The following COG7 variants were observed in gnomAD, a reference collection of about 807,000 sequenced individuals.
COG7 encodes conserved oligomeric Golgi complex subunit 7.
In COG7, 49 loss-of-function variants were observed where a neutral mutation model predicts 91.5. The observed-to-expected ratio is 0.54, with a 90% CI of 0.43 to 0.68. COG7 has a LOEUF of 0.68. COG7 is among the 30% of genes least tolerant of loss of function. The pLI is 0.00. For missense variants in COG7, 895 were observed against 961.3 expected, an observed-to-expected ratio of 0.93 and a Z score of 0.91; for synonymous variants, 365 against 388.7, an observed-to-expected ratio of 0.94 and a Z score of 0.72.
chr16:23,437,551 A>G (rs765840198), intron 4 of COG7, among the ~76,000 whole-genome samples: 22 of 152,224 alleles, frequency 1.4e-4, no homozygotes, highest in Non-Finnish European at 2.2e-4. Flanking sequence ...ACAGGGCTGG[A>G]GATGAGTACT....
chr16:23,420,769 G>A (rs969253275), intron 7 of COG7, among the ~76,000 whole-genome samples: 1 of 151,968 alleles, frequency 6.6e-6, no homozygotes, highest in Non-Finnish European at 1.5e-5. Flanking sequence ...TTCGAGACAG[G>A]ATCTCACTCA....
In COG7 at chr16:23,428,781, TC is replaced by T. The variant is rs1963889154; in HGVS notation, c.811-3835del. ...ATCTTGGCTCACTGCAACCTCCACC[TC>T]CCAGGTTCAAGCGATTCTCCTGCCT... On this transcript the variant is annotated intron_variant, in intron 6 of 16. Coordinates refer to ENST00000307149, the MANE Select transcript of COG7 (RefSeq NM_153603.4). 2.7e-5 allele frequency among the ~76,000 whole-genome samples: 4 copies of T among 148,722 alleles called. No homozygotes were observed. In the South Asian group the frequency reaches 8.9e-4, roughly 33 times the overall value.
chr16:23,390,030 C>G (rs1017778064), intron 16 of COG7: 1 of 152,168 alleles, frequency 6.6e-6, no homozygotes, highest in Non-Finnish European at 1.5e-5. Context: ...CATGAGAGCA[C>G]CTGATGTGTC....
intron 9 of COG7, chr16:23,416,660 CTT>C (rs1346253208): frequency 2.5e-6 from 1 of 404,322 alleles, no homozygotes; most frequent in Non-Finnish European, 4.6e-6. Flanking sequence ...TTCAAATAAA[CTT>C]TGTTAAATTT....
intron 12 of COG7, among the ~76,000 whole-genome samples, chr16:23,405,500 C>G (rs962118903): frequency 1.3e-5 from 2 of 151,872 alleles, no homozygotes; most frequent in African/African-American, 4.8e-5. Flanking sequence ...AGATCTAAAC[C>G]CACATTCTCT....
intron 6 of COG7, among the ~76,000 whole-genome samples, chr16:23,431,853 A>G (rs1963940230): frequency 6.7e-6 from 1 of 149,496 alleles, no homozygotes. Flanking sequence ...TAAGAAAAAT[A>G]AAATAAAGTC....
chr16:23,444,952 G>A, intron 3 of COG7, 96 bp downstream of exon 3: 1 of 908,142 alleles, frequency 1.1e-6, no homozygotes, highest in Non-Finnish European at 1.9e-6. Flanking sequence ...TCTGAATGCT[G>A]CTATTGGCTA....
Position 23,417,109 on chromosome 16 carries a change from C to A in COG7, c.1150G>T (p.Val384Leu), listed in dbSNP as rs966821454. The part of the protein sequence containing the change: ...MSAVPLEHGE[V>L]IDCVQELSHS... The stretch of plus-strand genomic sequence containing the variant: ...CTCAGCTCCTGCACACAGTCAATCA[C>A]TTCCCCATGCTCCTGGTCAGCAAAT... Residue 384 changes from valine (V) to leucine (L), a missense_variant, in exon 9 of 17, where the codon GTG (valine) becomes TTG (leucine). Physicochemically the swap from Val to Leu is conservative, Grantham distance 32. Coordinates refer to ENST00000307149, the MANE Select transcript of COG7 (RefSeq NM_153603.4). 1.9e-6 allele frequency: 3 copies of A among 1,614,276 alleles called. No individual in the cohort carries two copies. Among genetic ancestry groups the A allele is most frequent in the Non-Finnish European group, 2.5e-6 (3 of 1,180,050 alleles).
chr16:23,441,841 C>T (rs1964106467), intron 4 of COG7: 1 of 152,786 alleles, frequency 6.5e-6, no homozygotes, highest in Admixed American at 6.5e-5. Flanking sequence ...AATGCATTCG[C>T]ACTAGAAGAC....
intron 5 of COG7, 72 bp from the exon 6 acceptor site, chr16:23,433,739 T>A (rs1963970341): frequency 9.5e-6 from 15 of 1,584,786 alleles, no homozygotes. Flanking sequence ...TGCCCTGCCC[T>A]GCTACCCAGC....
chr16:23,418,452 T>C (rs1283627090), intron 8 of COG7, among the ~76,000 whole-genome samples: 2 of 151,980 alleles, frequency 1.3e-5, no homozygotes, highest in Non-Finnish European at 2.9e-5. Flanking sequence ...CTGCAGTGAG[T>C]TGTAATCAAT....
chr16:23,413,481 TG>T lies in COG7; in HGVS notation c.1375del (p.Gln459ArgfsTer13). 1 of 1,610,418 alleles carries T rather than the reference TG, an allele frequency of 6.2e-7. No homozygotes were observed. The highest frequency in any genetic ancestry group is 8.5e-7 in the Non-Finnish European group (1 of 1,176,592). On this transcript the variant is annotated frameshift_variant, in exon 10 of 17. Transcript: ENST00000307149. LOFTEE classifies it high-confidence loss of function. ...LDHIPPNSLF[Q>X]EDWTAFQNSI... ...GTTCTGAAAAGCCGTCCAATCTTCC[TG>T]GAAGAGGGAGTTGGGAGGAATGTGG...
At chr16:23,451,101 G>C (rs568712490) in intron 1 of COG7, among the ~76,000 whole-genome samples, 42 of 152,320 alleles carry the variant, frequency 2.8e-4, no homozygotes, top group Admixed American at 2.0e-3. Context: ...GTAGAGGCAG[G>C]AGAATAACTT....
intron 14 of COG7, among the ~76,000 whole-genome samples, chr16:23,394,637 G>GT (rs1453196027): frequency 1.3e-5 from 2 of 151,858 alleles, no homozygotes; most frequent in African/African-American, 2.4e-5. Flanking sequence ...ACATGTCTAC[G>GT]TAACAGCGGG....
chr16:23,416,926 C>T, intron 9 of COG7, 41 bp downstream of exon 9: 2 of 1,613,364 alleles, frequency 1.2e-6, no homozygotes, highest in Non-Finnish European at 1.7e-6. Flanking sequence ...ACAGACACTG[C>T]TCCAATGTGG....
chr16:23,393,211 G>A lies in COG7; in HGVS notation c.2002+22C>T, dbSNP rs181406575. On this transcript the variant is annotated intron_variant, in intron 15 of 16. Transcript: ENST00000307149. Reference sequence around the variant, plus strand: ...AACTGACAGCTTGACTTGTAACATCGCCAGAAACGGTCCCCGCTTACCCTG... The same window carrying A: ...AACTGACAGCTTGACTTGTAACATCACCAGAAACGGTCCCCGCTTACCCTG... 5.3e-5 allele frequency: 82 copies of A among 1,560,286 alleles called. 2 individuals are homozygous for A. In the Admixed American group the frequency reaches 1.0e-3, roughly 19 times the overall value.
intron 7 of COG7, among the ~76,000 whole-genome samples, chr16:23,423,419 C>A (rs1192585060): frequency 1.3e-5 from 2 of 152,348 alleles, no homozygotes; most frequent in Non-Finnish European, 2.9e-5. Flanking sequence ...CTCTTCCCCA[C>A]TACATCCATC....
At chr16:23,421,536 T>G (rs1362583279) in intron 7 of COG7, among the ~76,000 whole-genome samples, 2 of 151,440 alleles carry the variant, frequency 1.3e-5, no homozygotes, top group Non-Finnish European at 2.9e-5. Context: ...AATAAGCAAT[T>G]CAAAAGAGAA....
At chr16:23,390,531 G>A (rs1963177517) in intron 16 of COG7, among the ~76,000 whole-genome samples, 1 of 151,448 alleles carries the variant, frequency 6.6e-6, no homozygotes, top group Admixed American at 6.6e-5. Flanking sequence ...TTCTGATCTT[G>A]GGTTCATCTC....
Sources: gnomAD v4.1 joint callset for allele counts (sites outside exome capture counted in the v4.1 genomes callset) on GRCh38, gnomAD v4.1.1 for gene constraint, MANE v1.5 for transcripts, NCBI Gene and HGNC (gene_info 2026-07-23, HGNC 2026-07-21) for gene names.